The following PARN variants were observed in gnomAD, a reference collection of about 807,000 sequenced individuals.
PARN encodes the protein poly(A)-specific ribonuclease.
PARN carries 71 observed loss-of-function variants against 102.8 expected under a neutral mutation model. The ratio of observed to expected loss-of-function variants is 0.69; its 90% CI spans 0.57 to 0.84. The LOEUF (loss-of-function observed/expected upper bound fraction) is 0.84. Ranked by LOEUF, PARN falls within the 40% of genes least tolerant of loss-of-function variation. The pLI is 0.00. For missense variants in PARN, 782 were observed against 760.9 expected, an observed-to-expected ratio of 1.03 and a Z score of -0.33; for synonymous variants, 261 against 252.9, an observed-to-expected ratio of 1.03 and a Z score of -0.30.
intron 21 of PARN, among the ~76,000 whole-genome samples, chr16:14,483,284 A>G (rs528419300): frequency 2.0e-5 from 3 of 152,356 alleles, no homozygotes; most frequent in South Asian, 4.1e-4. Context: ...ACTGTGTCAC[A>G]CACTGAAGAT....
Position 14,436,869 on chromosome 16 carries a change from G to A in PARN, c.1865-97C>T, listed in dbSNP as rs113631743. On this transcript the variant is annotated intron_variant, in intron 23 of 23. Coordinates refer to ENST00000437198, the MANE Select transcript of PARN (RefSeq NM_002582.4). ...AGCAGACAGACAGAGGGCCTGTGAC[G>A]GCTGCAGACGGGGCCAGCGTCTGGC... The A allele has an allele frequency of 0.2, 168,766 of 864,516 alleles. 18,695 individuals are homozygous for A. Among genetic ancestry groups the A allele is most frequent in the Middle Eastern group, 0.29 (1,193 of 4,124 alleles). 53.6% of individuals were successfully genotyped at this position (864,516 alleles called of 1,614,324 possible).
intron 21 of PARN, among the ~76,000 whole-genome samples, chr16:14,538,117 T>C (rs1262406404): frequency 1.3e-5 from 2 of 152,124 alleles, no homozygotes; most frequent in South Asian, 4.1e-4. Flanking sequence ...AAAATACTTA[T>C]CTAGGCAGAG....
intron 18 of PARN, among the ~76,000 whole-genome samples, chr16:14,578,159 T>C (rs1969267106): frequency 6.7e-6 from 1 of 148,256 alleles, no homozygotes; most frequent in Non-Finnish European, 1.5e-5. Flanking sequence ...TGAAACCCTG[T>C]CTCTACTAAA....
intron 18 of PARN, among the ~76,000 whole-genome samples, chr16:14,564,230 A>G (rs567359760): frequency 5.3e-5 from 8 of 152,234 alleles, no homozygotes; most frequent in South Asian, 2.1e-4. Flanking sequence ...CCTTGTGTAT[A>G]TAAGAGAAGC....
chr16:14,488,868 T>A (rs548512528), intron 21 of PARN, among the ~76,000 whole-genome samples: 41 of 151,544 alleles, frequency 2.7e-4, no homozygotes, highest in Admixed American at 1.2e-3. Flanking sequence ...AATACAATAG[T>A]TTCCAAAAAA....
At chr16:14,572,307 G>A (rs944800570) in intron 18 of PARN, among the ~76,000 whole-genome samples, 1 of 151,884 alleles carries the variant, frequency 6.6e-6, no homozygotes, top group Non-Finnish European at 1.5e-5. Context: ...GCCTTGTTCT[G>A]TCCGTTACTG....
At chr16:14,512,026 GAA>G (rs1384217844) in intron 21 of PARN, among the ~76,000 whole-genome samples, 2 of 152,168 alleles carry the variant, frequency 1.3e-5, no homozygotes, top group Non-Finnish European at 2.9e-5. Flanking sequence ...AAGTAATTCT[GAA>G]AAGTCTCTAG....
intron 18 of PARN, among the ~76,000 whole-genome samples, chr16:14,560,689 A>G (rs752438977): frequency 1.3e-5 from 2 of 152,234 alleles, no homozygotes; most frequent in Non-Finnish European, 2.9e-5. Context: ...GGTAAAGCAC[A>G]GCATACCAGG....
At chr16:14,465,542 A>G (rs1331892025) in intron 22 of PARN, among the ~76,000 whole-genome samples, 1 of 152,222 alleles carries the variant, frequency 6.6e-6, no homozygotes, top group Non-Finnish European at 1.5e-5. Flanking sequence ...TTCTTATGCT[A>G]TATGTGAATT....
At chr16:14,454,625 A>T in intron 22 of PARN, among the ~76,000 whole-genome samples, 1 of 152,172 alleles carries the variant, frequency 6.6e-6, no homozygotes, top group East Asian at 1.9e-4. Context: ...GGTTTCTGGC[A>T]TAGTTACCCA....
At chr16:14,481,609 CATTTT>C (rs1317504385) in intron 22 of PARN, among the ~76,000 whole-genome samples, 2 of 152,102 alleles carry the variant, frequency 1.3e-5, no homozygotes, top group Admixed American at 6.5e-5. Context: ...ATGATCTCTG[CATTTT>C]ATTTTATTTT....
intron 11 of PARN, among the ~76,000 whole-genome samples, chr16:14,600,530 C>T (rs1970808650): frequency 6.6e-6 from 1 of 152,104 alleles, no homozygotes; most frequent in Admixed American, 6.6e-5. Flanking sequence ...GACTACTGCC[C>T]CTTCTACTTG....
At chr16:14,518,422 T>C (rs1965569352) in intron 21 of PARN, among the ~76,000 whole-genome samples, 1 of 151,818 alleles carries the variant, frequency 6.6e-6, no homozygotes. Flanking sequence ...TGGGCTTAAT[T>C]TATGTGTTAA....
chr16:14,451,843 T>TAAAAAAAAAAAAAAAAAAAAAAAGA (rs1184998225), intron 22 of PARN, among the ~76,000 whole-genome samples: 1 of 54,620 alleles, frequency 1.8e-5, no homozygotes, highest in Non-Finnish European at 3.6e-5. Flanking sequence ...ACCCCGTCTC[T>TAAAAAAAAAAAAAAAAAAAAAAAGA]AAAAAAAAAA....
intron 6 of PARN, 48 bp downstream of exon 6, chr16:14,617,542 T>C (rs1486883266): frequency 1.1e-6 from 1 of 910,734 alleles, no homozygotes; most frequent in Non-Finnish European, 1.9e-6. Context: ...TTCCCAAGGA[T>C]ATTTTGAAGG....
At chr16:14,595,913 C>T (rs1970478097) in intron 12 of PARN, among the ~76,000 whole-genome samples, 1 of 152,120 alleles carries the variant, frequency 6.6e-6, no homozygotes, top group Non-Finnish European at 1.5e-5. Flanking sequence ...AGTCCTCCTG[C>T]CTTGACCTCC....
Position 14,627,337 on chromosome 16 carries a change from C to G in PARN, c.178-1G>C. On this transcript the variant is annotated splice_acceptor_variant, in intron 3 of 23. Coordinates refer to ENST00000437198, the MANE Select transcript of PARN (RefSeq NM_002582.4). LOFTEE classifies it high-confidence loss of function. ...GAAATAGCAAAAAGTCCATGGAATGCTGGAAAAGGGAAATAAAACATCTGT... is the reference window on the plus strand; with the variant it reads ...GAAATAGCAAAAAGTCCATGGAATGGTGGAAAAGGGAAATAAAACATCTGT... The G allele has an allele frequency of 6.3e-7, 1 of 1,580,806 alleles. No homozygotes were observed. Among genetic ancestry groups the G allele is most frequent in the South Asian group, 1.2e-5 (1 of 86,532 alleles).
At chr16:14,511,382 C>G (rs1965181910) in intron 21 of PARN, among the ~76,000 whole-genome samples, 1 of 151,854 alleles carries the variant, frequency 6.6e-6, no homozygotes, top group Non-Finnish European at 1.5e-5. Flanking sequence ...AGCGTCTAGA[C>G]AGATTAACAC....
intron 21 of PARN, among the ~76,000 whole-genome samples, chr16:14,534,371 C>A (rs1393946168): frequency 2.0e-5 from 3 of 152,090 alleles, no homozygotes; most frequent in Admixed American, 6.5e-5. Flanking sequence ...GGTATCTAGA[C>A]TATACAAAGA....
Sources: gnomAD v4.1 joint callset for allele counts (sites outside exome capture counted in the v4.1 genomes callset) on GRCh38, gnomAD v4.1.1 for gene constraint, MANE v1.5 for transcripts, NCBI Gene and HGNC (gene_info 2026-07-23, HGNC 2026-07-21) for gene names.